RAB8B: variants seen among roughly 807,000 people sequenced by gnomAD.
RAB8B encodes the protein ras-related protein Rab-8B.
In RAB8B, 11 loss-of-function variants were observed where a neutral mutation model predicts 32.0. The observed-to-expected ratio is 0.34, with a 90% CI of 0.22 to 0.57. The LOEUF is 0.57. RAB8B is among the 20% of genes least tolerant of loss of function. RAB8B has a pLI of 0.86. For synonymous variants in RAB8B, 103 were observed against 89.6 expected (o/e 1.15, Z -0.85); for missense variants, 190 against 258.5 (o/e 0.73, Z 1.82).
chr15:63,223,420 A>T (rs1162130435), intron 1 of RAB8B, among the ~76,000 whole-genome samples: 1 of 152,086 alleles, frequency 6.6e-6, no homozygotes, highest in East Asian at 1.9e-4. Context: ...ACCATTTTTT[A>T]TCTTTTATAC....
intron 1 of RAB8B, among the ~76,000 whole-genome samples, chr15:63,222,121 T>A (rs1398810788): frequency 6.6e-6 from 1 of 152,186 alleles, no homozygotes; most frequent in African/African-American, 2.4e-5. Flanking sequence ...ACCAAGATAT[T>A]TCTCTTTTTC....
rs754562902 is a variant in RAB8B at position 63,259,209 on chromosome 15, T to G, written c.415-418T>G. 2.0e-5 allele frequency among the ~76,000 whole-genome samples: 3 copies of G among 152,120 alleles called. No individual in the cohort carries two copies. The highest frequency in any genetic ancestry group is 4.4e-5 in the Non-Finnish European group (3 of 68,028). ...ATCTCGGCTTACTCCAACCTCTGCC[T>G]CCTGGGTTCAAGCAATTCTCCTGCC... On this transcript the variant is annotated intron_variant, in intron 5 of 7. Transcript: ENST00000321437. This position sits in a 1 kb window ranked among gnomAD's most constrained non-coding sequence, Gnocchi z 4.4.
At chr15:63,250,284 C>G (rs1451156414) in intron 3 of RAB8B, among the ~76,000 whole-genome samples, 1 of 152,174 alleles carries the variant, frequency 6.6e-6, no homozygotes. Context: ...ATTATTCTTC[C>G]TTTTATTAAT....
chr15:63,201,721 T>A (rs1456701985), intron 1 of RAB8B, among the ~76,000 whole-genome samples: 1 of 152,124 alleles, frequency 6.6e-6, no homozygotes, highest in Non-Finnish European at 1.5e-5. Context: ...AATAATCATA[T>A]AAGGTAGAAG....
In RAB8B at chr15:63,244,658, G is replaced by A. The variant is rs1031850507; in HGVS notation, c.125-98G>A. ...TCTCTGTGTTCACATTTTCCAGTGC[G>A]TTGGAGAGCTTTTTTTCAATAGAAA... On this transcript the variant is annotated intron_variant, in intron 1 of 7. Transcript: ENST00000321437. The A allele has an allele frequency of 3.6e-5, 33 of 906,974 alleles. No homozygotes were observed. The South Asian group carries it at 3.9e-4, about 11-fold the overall frequency. 56.2% of individuals were successfully genotyped at this position (906,974 alleles called of 1,614,324 possible). A position where few individuals can be genotyped will look rare whatever the true frequency, so the allele number is the denominator to read the frequency against.
chr15:63,230,007 T>C (rs1161758556), intron 1 of RAB8B, among the ~76,000 whole-genome samples: 1 of 152,066 alleles, frequency 6.6e-6, no homozygotes, highest in African/African-American at 2.4e-5. Flanking sequence ...TAGTCACTGG[T>C]AGTTTTTCAT....
At chr15:63,217,031 C>A (rs2037798471) in intron 1 of RAB8B, among the ~76,000 whole-genome samples, 1 of 152,036 alleles carries the variant, frequency 6.6e-6, no homozygotes, top group African/African-American at 2.4e-5. Context: ...TCTCTTAGTT[C>A]CACTGAATCT....
chr15:63,197,501 G>A (rs2037613121), intron 1 of RAB8B, among the ~76,000 whole-genome samples: 2 of 151,074 alleles, frequency 1.3e-5, no homozygotes, highest in Non-Finnish European at 2.9e-5. Flanking sequence ...AGCCTCTGGA[G>A]TAGCTGGGAC....
intron 6 of RAB8B, among the ~76,000 whole-genome samples, chr15:63,260,009 A>G (rs1282162957): frequency 1.3e-5 from 2 of 151,888 alleles, no homozygotes; most frequent in African/African-American, 2.4e-5. Context: ...TAATTTTTGT[A>G]TTTTTAGTAG....
At chr15:63,230,017 T>A (rs2037923009) in intron 1 of RAB8B, among the ~76,000 whole-genome samples, 1 of 151,982 alleles carries the variant, frequency 6.6e-6, no homozygotes, top group Non-Finnish European at 1.5e-5. Context: ...TAGTTTTTCA[T>A]TATTGATTGG....
chr15:63,223,730 CTTGGTTGTTAAGTGACACATGACTGTAT>C, intron 1 of RAB8B: 1 of 256,276 alleles, frequency 3.9e-6, no homozygotes, highest in Non-Finnish European at 8.2e-6. Context: ...CGTGACTGTA[CTTGGTTGTTAAGTGACACATGACTGTAT>C]TTGATTTCTT....
intron 1 of RAB8B, among the ~76,000 whole-genome samples, chr15:63,211,593 C>T (rs1403234364): frequency 6.6e-6 from 1 of 151,218 alleles, no homozygotes; most frequent in African/African-American, 2.4e-5. Context: ...AATGTATCTT[C>T]TTAAAAGTAC....
intron 1 of RAB8B, among the ~76,000 whole-genome samples, chr15:63,202,036 A>G (rs12912328): frequency 0.64 from 93,102 of 145,280 alleles, 30,516 homozygotes; most frequent in East Asian, 0.98. Flanking sequence ...GCGGATCCAC[A>G]AGGTCAGGAG....
intron 6 of RAB8B, among the ~76,000 whole-genome samples, chr15:63,262,005 T>G (rs1483257135): frequency 1.3e-5 from 2 of 152,178 alleles, no homozygotes; most frequent in Admixed American, 6.5e-5. Context: ...CCAGGAACTG[T>G]TGGGATTTTG....
chr15:63,189,890 A>T, intron 1 of RAB8B, 142 bp downstream of exon 1: 2 of 908,570 alleles, frequency 2.2e-6, no homozygotes, highest in Non-Finnish European at 2.8e-6. Context: ...GAGAGGGGCG[A>T]GGGCGTGAGG....
At chr15:63,242,670 C>G (rs1437877896) in intron 1 of RAB8B, among the ~76,000 whole-genome samples, 1 of 152,090 alleles carries the variant, frequency 6.6e-6, no homozygotes, top group East Asian at 1.9e-4. Flanking sequence ...GAGTGAGACT[C>G]TGTCTCAAAA....
At chr15:63,217,151 A>G (rs546553867) in intron 1 of RAB8B, among the ~76,000 whole-genome samples, 1 of 152,214 alleles carries the variant, frequency 6.6e-6, no homozygotes, top group Admixed American at 6.5e-5. Flanking sequence ...TGATTAATGT[A>G]TGATTAGTCA....
At position 63,265,541 on chromosome 15, in the gene RAB8B, A is replaced by T. The variant is rs2038239629; in HGVS notation, c.*1922A>T. The T allele has an allele frequency of 6.6e-6, 1 of 152,560 alleles. No homozygotes were observed. Among genetic ancestry groups the T allele is most frequent in the Non-Finnish European group, 1.5e-5 (1 of 68,004 alleles). 9.5% of individuals were successfully genotyped at this position (152,560 alleles called of 1,614,324 possible). On this transcript the variant is annotated 3_prime_UTR_variant, in exon 8 of 8. Coordinates refer to ENST00000321437, the MANE Select transcript of RAB8B (RefSeq NM_016530.3). The surrounding 1 kb of genome is among the most constrained non-coding windows in gnomAD (Gnocchi z 4.9). ...TTTTAGAAACATCTTAATATTCACT[A>T]TTTCCTGAAAAAATCCAAGCAGTTA...
At chr15:63,195,581 A>G (rs745366103) in intron 1 of RAB8B, among the ~76,000 whole-genome samples, 3 of 152,250 alleles carry the variant, frequency 2.0e-5, no homozygotes, top group Non-Finnish European at 2.9e-5. Context: ...AAAATTTAGC[A>G]GTATATTTTT....
Sources: gnomAD v4.1 joint callset for allele counts (sites outside exome capture counted in the v4.1 genomes callset) on GRCh38, gnomAD v4.1.1 for gene constraint, Gnocchi (gnomAD v3.1) non-coding constraint, MANE v1.5 for transcripts, NCBI Gene and HGNC (gene_info 2026-07-23, HGNC 2026-07-21) for gene names.